Variants in PELI2 observed in about 807,000 individuals in gnomAD.
PELI2 encodes E3 ubiquitin-protein ligase pellino homolog 2.
In PELI2, 23 loss-of-function variants were observed where a neutral mutation model predicts 42.3. That is an observed-to-expected ratio of 0.54 (90% CI 0.39 to 0.77). PELI2 has a LOEUF of 0.77. Ranked by LOEUF, PELI2 falls within the 30% of genes least tolerant of loss-of-function variation. The pLI, the probability that PELI2 is intolerant of heterozygous loss-of-function variation, is 0.00. For missense variants in PELI2, 463 were observed against 553.2 expected (o/e 0.84, Z 1.64); for synonymous variants, 245 against 212.2 (o/e 1.15, Z -1.34).
chr14:56,212,454 C>T (rs1183279284), intron 2 of PELI2, among the ~76,000 whole-genome samples: 1 of 152,234 alleles, frequency 6.6e-6, no homozygotes, highest in Non-Finnish European at 1.5e-5. Context: ...ATCCCCTCTT[C>T]TTTTCCCTGC....
chr14:56,239,518 C>G (rs996262740), intron 2 of PELI2, among the ~76,000 whole-genome samples: 1 of 152,132 alleles, frequency 6.6e-6, no homozygotes, highest in Non-Finnish European at 1.5e-5. Flanking sequence ...TATTTTTAAA[C>G]CTGCCCTTAT....
chr14:56,132,979 A>G (rs575178618), intron 1 of PELI2, among the ~76,000 whole-genome samples: 46 of 152,288 alleles, frequency 3.0e-4, no homozygotes, highest in African/African-American at 1.1e-3. Context: ...TATTTAGGTA[A>G]TATTGTATTA....
In PELI2 at chr14:56,119,980, A is replaced by G. The variant is rs971290814; in HGVS notation, c.77+1243A>G. On this transcript the variant is annotated intron_variant, in intron 1 of 5. Transcript: ENST00000267460. The stretch of plus-strand genomic sequence containing the variant: ...GTGCTGACTTAAAAATAATTTAAAG[A>G]GAGGAGTTTTTGAGGGAAGCTTCCA... 4.2e-5 allele frequency: 13 copies of G among 307,946 alleles called. No homozygotes were observed. The South Asian group carries it at 1.0e-3, about 24-fold the overall frequency. 19.1% of individuals were successfully genotyped at this position (307,946 alleles called of 1,614,324 possible).
intron 2 of PELI2, among the ~76,000 whole-genome samples, chr14:56,220,674 T>A (rs8011852): frequency 0.22 from 32,701 of 152,070 alleles, 7,245 homozygotes; most frequent in African/African-American, 0.56. Flanking sequence ...GAATCTGCCC[T>A]ACAGTTGAAG....
intron 2 of PELI2, among the ~76,000 whole-genome samples, chr14:56,278,682 T>C (rs529218417): frequency 1.3e-5 from 2 of 152,340 alleles, no homozygotes; most frequent in East Asian, 3.9e-4. Flanking sequence ...CTGTAAGGAA[T>C]TACATTAGTC....
intron 2 of PELI2, among the ~76,000 whole-genome samples, chr14:56,199,564 TTTCTCAGGG>T (rs1886258467): frequency 6.6e-6 from 1 of 152,244 alleles, no homozygotes; most frequent in Admixed American, 6.5e-5. Flanking sequence ...TTCTTGTTGA[TTTCTCAGGG>T]TGTGGTTAGC....
intron 1 of PELI2, among the ~76,000 whole-genome samples, chr14:56,164,310 A>G (rs1263659800): frequency 6.6e-6 from 1 of 152,034 alleles, no homozygotes; most frequent in Non-Finnish European, 1.5e-5. Context: ...AATCCATTTT[A>G]TCCTTCATTG....
At chr14:56,255,446 T>C (rs1888493596) in intron 2 of PELI2, among the ~76,000 whole-genome samples, 1 of 151,628 alleles carries the variant, frequency 6.6e-6, no homozygotes, top group Non-Finnish European at 1.5e-5. Context: ...TGAGAATGCA[T>C]GGACACAGGG....
At chr14:56,189,603 T>C (rs1019201911) in intron 2 of PELI2, among the ~76,000 whole-genome samples, 3 of 152,236 alleles carry the variant, frequency 2.0e-5, no homozygotes, top group African/African-American at 7.2e-5. Flanking sequence ...TGATTAATGT[T>C]AGCTAATATT....
chr14:56,185,514 A>G (rs1216839642), intron 2 of PELI2, among the ~76,000 whole-genome samples: 2 of 152,218 alleles, frequency 1.3e-5, no homozygotes, highest in Non-Finnish European at 2.9e-5. Flanking sequence ...CTGAAGCAGC[A>G]TACCTACTTA....
chr14:56,153,558 C>T (rs1884442781), intron 1 of PELI2, among the ~76,000 whole-genome samples: 1 of 152,024 alleles, frequency 6.6e-6, no homozygotes, highest in South Asian at 2.1e-4. Flanking sequence ...CCCTAGAAAC[C>T]AATTTTGTAT....
intron 2 of PELI2, among the ~76,000 whole-genome samples, chr14:56,225,437 A>T (rs755104326): frequency 2.0e-4 from 31 of 152,288 alleles, no homozygotes; most frequent in South Asian, 6.2e-4. Context: ...CCGTGATTAG[A>T]GGGAGTTGGA....
At chr14:56,162,758 C>G (rs1252992795) in intron 1 of PELI2, among the ~76,000 whole-genome samples, 3 of 152,158 alleles carry the variant, frequency 2.0e-5, no homozygotes, top group Non-Finnish European at 4.4e-5. Context: ...TTCTCCATGT[C>G]CTTGCCAGCA....
At chr14:56,207,138 G>A (rs1376640360) in intron 2 of PELI2, among the ~76,000 whole-genome samples, 2 of 151,980 alleles carry the variant, frequency 1.3e-5, no homozygotes. Context: ...CTCACCCTTA[G>A]ACACATGCTA....
intron 2 of PELI2, among the ~76,000 whole-genome samples, chr14:56,269,350 G>A (rs1889018931): frequency 6.6e-6 from 1 of 152,092 alleles, no homozygotes; most frequent in Non-Finnish European, 1.5e-5. Context: ...GGCTAAGGCA[G>A]GAGAATTGCT....
chr14:56,173,607 G>C (rs1276542948), intron 1 of PELI2, among the ~76,000 whole-genome samples: 1 of 152,086 alleles, frequency 6.6e-6, no homozygotes, highest in Non-Finnish European at 1.5e-5. Flanking sequence ...TGAAATCAAG[G>C]TGTCGGCAGG....
At position 56,288,013 on chromosome 14, in the gene PELI2, G is replaced by A. The variant is rs1396608487; in HGVS notation, c.310-424G>A. Among the ~76,000 whole-genome samples, 8 of 152,048 alleles carry A rather than the reference G, an allele frequency of 5.3e-5. No homozygotes were observed. The highest frequency in any genetic ancestry group is 1.9e-4 in the African/African-American group (8 of 41,396). On this transcript the variant is annotated intron_variant, in intron 3 of 5. Transcript: ENST00000267460. This position sits in a 1 kb window ranked among gnomAD's most constrained non-coding sequence, Gnocchi z 4.6. The stretch of plus-strand genomic sequence containing the variant: ...TCCAAGAGATAAAATCTGATGAGTG[G>A]CCAAAGATCTACTCCTGTCCTCTTA...
At chr14:56,247,758 T>C (rs1348729574) in intron 2 of PELI2, among the ~76,000 whole-genome samples, 1 of 152,232 alleles carries the variant, frequency 6.6e-6, no homozygotes, top group Non-Finnish European at 1.5e-5. Flanking sequence ...ACTTTGGGTA[T>C]TATCTTCTAA....
intron 2 of PELI2, among the ~76,000 whole-genome samples, chr14:56,218,143 C>G (rs1385350229): frequency 6.6e-6 from 1 of 152,212 alleles, no homozygotes; most frequent in Non-Finnish European, 1.5e-5. Flanking sequence ...AGCCAGTGGT[C>G]TACCAAAGAA....
Sources: allele counts gnomAD v4.1 joint callset (sites outside exome capture counted in the v4.1 genomes callset), GRCh38; gene constraint gnomAD v4.1.1; non-coding constraint Gnocchi (gnomAD v3.1); transcripts MANE v1.5; gene names NCBI Gene and HGNC (gene_info 2026-07-23, HGNC 2026-07-21).